Variants in SH3RF3 observed in about 807,000 individuals in gnomAD.
SH3RF3 encodes SH3 domain containing ring finger 3, also known as E3 ubiquitin-protein ligase SH3RF3.
In SH3RF3, 29 loss-of-function variants were observed where a neutral mutation model predicts 66.3. The observed-to-expected ratio is 0.44, with a 90% CI of 0.33 to 0.60. The LOEUF is 0.60. SH3RF3 is among the 20% of genes least tolerant of loss of function. The pLI is 0.04. For missense variants in SH3RF3, 1,194 were observed against 1,190.9 expected (o/e 1.00, Z -0.04); for synonymous variants, 583 against 532.0 (o/e 1.10, Z -1.32).
chr2:109,451,727 C>T (rs1378777066), intron 8 of SH3RF3, among the ~76,000 whole-genome samples: 1 of 152,274 alleles, frequency 6.6e-6, no homozygotes, highest in Admixed American at 6.5e-5. Context: ...GTCCAGAAGA[C>T]ACCCCAACAT....
At chr2:109,462,259 G>T (rs554857298) in intron 8 of SH3RF3, among the ~76,000 whole-genome samples, 3 of 151,262 alleles carry the variant, frequency 2.0e-5, no homozygotes, top group African/African-American at 7.3e-5. Context: ...TTGGAGAATT[G>T]ATCTACCCCT....
At chr2:109,327,384 A>G (rs577415558) in intron 1 of SH3RF3, among the ~76,000 whole-genome samples, 22 of 152,254 alleles carry the variant, frequency 1.4e-4, no homozygotes, top group Admixed American at 3.9e-4. Context: ...CTATTTGTCT[A>G]TTGTTGATTA....
chr2:109,255,384 C>G (rs1680198873), intron 1 of SH3RF3, among the ~76,000 whole-genome samples: 3 of 152,080 alleles, frequency 2.0e-5, no homozygotes, highest in Admixed American at 2.0e-4. Flanking sequence ...TTAACTTTAC[C>G]ACCACCAGGG....
chr2:109,302,954 G>A lies in SH3RF3; in HGVS notation c.574-44720G>A, dbSNP rs368149999. 7.9e-5 allele frequency among the ~76,000 whole-genome samples: 12 copies of A among 152,176 alleles called. No individual in the cohort carries two copies. The East Asian group carries it at 2.1e-3, about 27-fold the overall frequency. On this transcript the variant is annotated intron_variant, in intron 1 of 9. Coordinates refer to ENST00000309415, the MANE Select transcript of SH3RF3 (RefSeq NM_001099289.3). ...TGCAGTGGCATGATCTTAGCTCACT[G>A]CAACCTCTGCCTCCCAGGTTCAAGC...
chr2:109,384,827 G>A (rs1276604801), intron 3 of SH3RF3, among the ~76,000 whole-genome samples: 1 of 152,196 alleles, frequency 6.6e-6, no homozygotes, highest in Non-Finnish European at 1.5e-5. Context: ...GAAGGCCTCA[G>A]GGTAACTCCA....
rs182018672 is a variant in SH3RF3 at position 109,357,794 on chromosome 2, C to G, written c.849+9845C>G. ...TTTTAGAGCCGTTGTAAGTTCACAG[C>G]AAAATTGAGCAGAAGATACAGAGAT... On this transcript the variant is annotated intron_variant, in intron 2 of 9. Coordinates refer to ENST00000309415, the MANE Select transcript of SH3RF3 (RefSeq NM_001099289.3). Among the ~76,000 whole-genome samples the G allele has an allele frequency of 4.1e-4, 62 of 152,266 alleles. No homozygotes were observed. The East Asian group carries it at 7.5e-3, about 18-fold the overall frequency.
chr2:109,381,292 T>G (rs893904948), intron 3 of SH3RF3, among the ~76,000 whole-genome samples: 1 of 152,200 alleles, frequency 6.6e-6, no homozygotes, highest in African/African-American at 2.4e-5. Flanking sequence ...CCAGACTGCT[T>G]CTCCCCTAGG....
At chr2:109,470,337 C>T (rs10172054) in intron 8 of SH3RF3, among the ~76,000 whole-genome samples, 4,103 of 152,282 alleles carry the variant, frequency 0.027, 177 homozygotes, top group African/African-American at 0.094. Context: ...GACTCCTGCT[C>T]CATCTGGAAA....
intron 1 of SH3RF3, among the ~76,000 whole-genome samples, chr2:109,270,738 T>G (rs1680606684): frequency 6.6e-6 from 1 of 152,190 alleles, no homozygotes; most frequent in Non-Finnish European, 1.5e-5. Context: ...CTGTTACTCC[T>G]CTTATGTAGA....
At chr2:109,184,630 A>G (rs4676074) in intron 1 of SH3RF3, among the ~76,000 whole-genome samples, 124,323 of 152,136 alleles carry the variant, frequency 0.82, 50,929 homozygotes, top group East Asian at 0.89. Context: ...TGGGCTTCCC[A>G]GAGAGTGAGC....
At chr2:109,167,728 C>T (rs1574484179) in intron 1 of SH3RF3, among the ~76,000 whole-genome samples, 1 of 152,118 alleles carries the variant, frequency 6.6e-6, no homozygotes. Flanking sequence ...CCTGTCACCA[C>T]GCCTGGCTAA....
intron 8 of SH3RF3, among the ~76,000 whole-genome samples, chr2:109,452,123 G>T (rs1214322103): frequency 6.6e-6 from 1 of 152,180 alleles, no homozygotes; most frequent in African/African-American, 2.4e-5. Flanking sequence ...TTGCAGCAGG[G>T]CCCAAGGCAT....
chr2:109,448,378 A>G (rs1173551458), intron 7 of SH3RF3, among the ~76,000 whole-genome samples: 2 of 152,226 alleles, frequency 1.3e-5, no homozygotes, highest in African/African-American at 2.4e-5. Flanking sequence ...ATGGTCTGTT[A>G]GGAACTGGGC....
In SH3RF3 at chr2:109,142,810, T is replaced by C. The variant is rs192630359; in HGVS notation, c.573+12697T>C. Among the ~76,000 whole-genome samples the C allele has an allele frequency of 7.1e-3, 1,079 of 152,230 alleles. 14 individuals carry two copies. Among genetic ancestry groups the C allele is most frequent in the Non-Finnish European group, 0.011 (777 of 68,012 alleles). The stretch of plus-strand genomic sequence containing the variant: ...GAAGTGCTATAGGCTTGTCGGTAAA[T>C]GTGGGGAAAGGTGGCTGTCATTGTG... On this transcript the variant is annotated intron_variant, in intron 1 of 9. Transcript: ENST00000309415.
At chr2:109,213,146 T>G (rs1197936678) in intron 1 of SH3RF3, among the ~76,000 whole-genome samples, 2 of 152,200 alleles carry the variant, frequency 1.3e-5, no homozygotes, top group Non-Finnish European at 2.9e-5. Context: ...CACCCAGTTT[T>G]TAAACTGGGT....
At chr2:109,426,771 C>T (rs958548098) in intron 5 of SH3RF3, among the ~76,000 whole-genome samples, 1 of 152,106 alleles carries the variant, frequency 6.6e-6, no homozygotes, top group Non-Finnish European at 1.5e-5. Context: ...AGAAATCTAT[C>T]ATGAAAGAAA....
intron 8 of SH3RF3, among the ~76,000 whole-genome samples, chr2:109,487,267 G>C (rs746032324): frequency 3.9e-5 from 6 of 152,150 alleles, no homozygotes; most frequent in Non-Finnish European, 8.8e-5. Flanking sequence ...CCCCAAATCA[G>C]TCTATGAGCC....
At chr2:109,251,642 G>A (rs1345918898) in intron 1 of SH3RF3, 15 of 1,374,310 alleles carry the variant, frequency 1.1e-5, no homozygotes, top group Admixed American at 6.7e-5. Flanking sequence ...GCCTTGGAAC[G>A]AGTATAAATA....
At chr2:109,154,569 A>G (rs901358750) in intron 1 of SH3RF3, among the ~76,000 whole-genome samples, 1 of 152,192 alleles carries the variant, frequency 6.6e-6, no homozygotes, top group African/African-American at 2.4e-5. Context: ...GCCCTAGTTC[A>G]TGGCCAGAAG....
Sources: gnomAD v4.1 joint callset for allele counts (sites outside exome capture counted in the v4.1 genomes callset) on GRCh38, gnomAD v4.1.1 for gene constraint, MANE v1.5 for transcripts, NCBI Gene and HGNC (gene_info 2026-07-23, HGNC 2026-07-21) for gene names.